KMT2A: variants seen among roughly 807,000 people sequenced by gnomAD.
The protein encoded by KMT2A is histone-lysine N-methyltransferase 2A.
Under a neutral mutation model 345.3 loss-of-function variants are expected in KMT2A, and 16 were observed. The ratio of observed to expected loss-of-function variants is 0.05; its 90% CI spans 0.03 to 0.07. The LOEUF is 0.07. Ranked by LOEUF, KMT2A falls within the 10% of genes least tolerant of loss-of-function variation. The pLI, the probability that KMT2A is intolerant of heterozygous loss-of-function variation, is 1.00. For synonymous variants in KMT2A, 1,599 were observed against 1,778.6 expected, an observed-to-expected ratio of 0.90 and a Z score of 2.54; for missense variants, 3,272 against 4,841.6, an observed-to-expected ratio of 0.68 and a Z score of 9.62.
In KMT2A at chr11:118,504,618, CTGTGGATAGTAG is replaced by C. The variant is rs1555047322; in HGVS notation, c.8730_8741del (p.Asp2911_Val2914del). The stretch of plus-strand genomic sequence containing the variant: ...TCTCAGCAGCTGCCTACAACAGAAC[CTGTGGATAGTAG>C]TGTCTCTTCCTCTATCTCAGCAGAG... On this transcript the variant is annotated inframe_deletion, in exon 27 of 36. Coordinates refer to ENST00000534358, the MANE Select transcript of KMT2A (RefSeq NM_001197104.2). The surrounding 1 kb of genome is among the most constrained non-coding windows in gnomAD (Gnocchi z 6.4). The C allele has an allele frequency of 6.2e-7, 1 of 1,614,124 alleles. No homozygotes were observed. The highest frequency in any genetic ancestry group is 8.5e-7 in the Non-Finnish European group (1 of 1,180,008).
In KMT2A at chr11:118,472,021, G is replaced by A. The variant is rs1180034681; in HGVS notation, c.862G>A (p.Gly288Arg). ...TCCTCTCAAGTCTAAGTTTAAGACA[G>A]GGAAGCTTCAAATAGGAAGGAAGGG... ...LSPLKSKFKT[G>R]KLQIGRKGVQ... Residue 288 changes from glycine (G) to arginine (R), a missense_variant, in exon 3 of 36, where the codon GGG (glycine) becomes AGG (arginine). Physicochemically the swap from Gly to Arg is moderately radical, Grantham distance 125 (BLOSUM62 -2). Around this residue, in one of 27 missense-constraint regions of KMT2A, gnomAD observed 412 missense variants for 511.0 expected, o/e 0.81. Transcript: ENST00000534358. 2 of 1,613,464 alleles carry A rather than the reference G, an allele frequency of 1.2e-6. No individual in the cohort carries two copies. The highest frequency in any genetic ancestry group is 1.7e-5 in the Admixed American group (1 of 59,856).
chr11:118,458,183 A>C (rs782392727), intron 1 of KMT2A: 1 of 379,098 alleles, frequency 2.6e-6, no homozygotes, highest in Non-Finnish European at 5.3e-6. Flanking sequence ...TTCTGGACTT[A>C]AGTGATTCTC....
At chr11:118,514,958 G>A (rs963774538) in intron 31 of KMT2A, among the ~76,000 whole-genome samples, 3 of 151,604 alleles carry the variant, frequency 2.0e-5, no homozygotes, top group African/African-American at 2.4e-5. Context: ...TAGTAGAGAC[G>A]GGGTTTCACC....
intron 1 of KMT2A, among the ~76,000 whole-genome samples, chr11:118,451,174 C>T (rs1361002008): frequency 2.0e-5 from 3 of 150,144 alleles, no homozygotes; most frequent in East Asian, 2.0e-4. Flanking sequence ...CCATTGGAGA[C>T]GTCCCTTCCC....
At chr11:118,513,681 A>G (rs1356757165) in intron 31 of KMT2A, among the ~76,000 whole-genome samples, 1 of 152,138 alleles carries the variant, frequency 6.6e-6, no homozygotes, top group Non-Finnish European at 1.5e-5. Flanking sequence ...ACAGTGGCTC[A>G]CACCTGAATT....
intron 6 of KMT2A, among the ~76,000 whole-genome samples, chr11:118,481,184 A>AT (rs1463272053): frequency 6.6e-6 from 1 of 151,770 alleles, no homozygotes; most frequent in African/African-American, 2.4e-5. Flanking sequence ...ACTAGATCTC[A>AT]TTCACTTCTA....
At position 118,436,704 on chromosome 11, in the gene KMT2A, G is replaced by A. The variant is rs782741215; in HGVS notation, c.192G>A (p.Ala64=). The change falls in exon 1 of 36, where the codon GCG becomes GCA. Residue 64 remains alanine (A), a synonymous_variant. Coordinates refer to ENST00000534358, the MANE Select transcript of KMT2A (RefSeq NM_001197104.2). This position sits in a 1 kb window ranked among gnomAD's most constrained non-coding sequence, Gnocchi z 6.9. ...PPSPPAVAAA[A]AAAGSSGAGV... is the part of the protein sequence containing the mutation. ...CCCCCCCGGCTGTGGCGGCCGCGGC[G>A]GCGGCGGCGGGAAGCAGCGGGGCTG... 24 of 1,346,860 alleles carry A rather than the reference G, an allele frequency of 1.8e-5. No individual in the cohort carries two copies. The South Asian group carries it at 3.3e-4, about 19-fold the overall frequency. The allele number at this position is 1,346,860 out of a possible 1,614,324, so 83.4% of individuals were successfully genotyped here.
In KMT2A at chr11:118,444,600, G is replaced by C. The variant is rs533098181; in HGVS notation, c.432+7656G>C. ...TGTTTTGTTTGGTTTGTTTGAGACAGGATCTTGCTTTGTTGCCTAGGCTAG... is the reference window on the plus strand; with the variant it reads ...TGTTTTGTTTGGTTTGTTTGAGACACGATCTTGCTTTGTTGCCTAGGCTAG... On this transcript the variant is annotated intron_variant, in intron 1 of 35. Transcript: ENST00000534358. Among the ~76,000 whole-genome samples, 5 of 152,268 alleles carry C rather than the reference G, an allele frequency of 3.3e-5. No homozygotes were observed. In the South Asian group the frequency reaches 1.0e-3, roughly 32 times the overall value.
Position 118,507,520 on chromosome 11 carries a change from G to A in KMT2A, c.10755-9G>A. 1 of 1,612,766 alleles carries A rather than the reference G, an allele frequency of 6.2e-7. No homozygotes were observed. Among genetic ancestry groups the A allele is most frequent in the African/African-American group, 1.3e-5 (1 of 75,030 alleles). On this transcript the variant is annotated splice_polypyrimidine_tract_variant and intron_variant, in intron 27 of 35. Coordinates refer to ENST00000534358, the MANE Select transcript of KMT2A (RefSeq NM_001197104.2). Reference sequence around the variant, plus strand: ...TTGTCTTGAAAAGATACAAATGCCTGTGTTCCAGGACTCCAGGAGCAGAGG... The same window carrying A: ...TTGTCTTGAAAAGATACAAATGCCTATGTTCCAGGACTCCAGGAGCAGAGG...
At chr11:118,482,116 AT>A in intron 7 of KMT2A, 24 bp downstream of exon 7, 1 of 1,573,402 alleles carries the variant, frequency 6.4e-7, no homozygotes. Context: ...GCAAGAAGGA[AT>A]TGCTGAACCA....
chr11:118,506,758 C>T (rs1950591724), intron 27 of KMT2A, 112 bp downstream of exon 27: 1 of 1,174,232 alleles, frequency 8.5e-7, no homozygotes. Context: ...GTTGCATTAC[C>T]TGGGAGTTTT....
rs782653706 is a variant in KMT2A, at chr11:118,436,742, G to T, written c.230G>T (p.Gly77Val). The change falls in exon 1 of 36, where the codon GGA becomes GTA. Residue 77 changes from glycine (G) to valine (V), a missense_variant. Physicochemically the swap from Gly to Val is moderately radical, Grantham distance 109 (BLOSUM62 -3). Coordinates refer to ENST00000534358, the MANE Select transcript of KMT2A (RefSeq NM_001197104.2). This position sits in a 1 kb window ranked among gnomAD's most constrained non-coding sequence, Gnocchi z 6.9. Reference protein sequence around the residue: ...AGSSGAGVPGGAAAASAASSS... With the variant: ...AGSSGAGVPGVAAAASAASSS... ...AGCAGCGGGGCTGGGGTTCCAGGGG[G>T]AGCGGCCGCCGCCTCAGCAGCCTCC... 2.5e-6 allele frequency: 4 copies of T among 1,583,924 alleles called. No homozygotes were observed. The highest frequency in any genetic ancestry group is 1.4e-5 in the African/African-American group (1 of 72,866).
rs571250390 is a variant in KMT2A, at chr11:118,500,527, C to G, written c.6159-460C>G. ...GGCAGCTTTTCACACAAACCAGATTCCACTAGCATTCAGCAGATTTGAAGC... is the reference window on the plus strand; with the variant it reads ...GGCAGCTTTTCACACAAACCAGATTGCACTAGCATTCAGCAGATTTGAAGC... On this transcript the variant is annotated intron_variant, in intron 24 of 35. Transcript: ENST00000534358. Among the ~76,000 whole-genome samples the G allele has an allele frequency of 3.9e-5, 6 of 152,294 alleles. No individual in the cohort carries two copies. In the South Asian group the frequency reaches 1.2e-3, roughly 32 times the overall value.
At chr11:118,474,417 C>A in intron 3 of KMT2A, 102 bp downstream of exon 3, 2 of 1,399,884 alleles carry the variant, frequency 1.4e-6, no homozygotes, top group African/African-American at 1.4e-5. Flanking sequence ...TTATGAGAAC[C>A]AAGAAAAGTA....
Position 118,436,583 on chromosome 11 carries a change from G to A in KMT2A, c.71G>A (p.Arg24His), listed in dbSNP as rs2134152357. 1 of 1,179,578 alleles carries A rather than the reference G, an allele frequency of 8.5e-7. No homozygotes were observed. Among genetic ancestry groups the A allele is most frequent in the Non-Finnish European group, 1.1e-6 (1 of 945,172 alleles). 73.1% of individuals were successfully genotyped at this position (1,179,578 alleles called of 1,614,324 possible). A position where few individuals can be genotyped will look rare whatever the true frequency, so the allele number is the denominator to read the frequency against. The change falls in exon 1 of 36, where the codon CGC becomes CAC. Residue 24 changes from arginine (R) to histidine (H), a missense_variant. By Grantham distance (29) the Arg-to-His change is conservative. Coordinates refer to ENST00000534358, the MANE Select transcript of KMT2A (RefSeq NM_001197104.2). The surrounding 1 kb of genome is among the most constrained non-coding windows in gnomAD (Gnocchi z 6.9). ...ACCGGGGGCGGCGGCGGCGGGGGGC[G>A]CCGGGGCCTAGGGGGCGCCCCGCGG... Reference protein sequence around the residue: ...GTTGGGGGGGRRGLGGAPRQR... With the variant: ...GTTGGGGGGGHRGLGGAPRQR...
intron 31 of KMT2A, among the ~76,000 whole-genome samples, chr11:118,518,120 C>G (rs1422910703): frequency 1.3e-5 from 2 of 152,142 alleles, no homozygotes; most frequent in East Asian, 1.9e-4. Context: ...AAATTAACAC[C>G]ATTACTGTTT....
intron 1 of KMT2A, chr11:118,450,610 T>C (rs1335785508): frequency 6.6e-6 from 1 of 152,228 alleles, no homozygotes; most frequent in African/African-American, 2.4e-5. Flanking sequence ...CAGAGAATTA[T>C]TGTCTTAGCG....
chr11:118,492,170 TAGGGAGCC>T (rs575572847), intron 15 of KMT2A, among the ~76,000 whole-genome samples: 66 of 152,302 alleles, frequency 4.3e-4, no homozygotes, highest in African/African-American at 1.6e-3. Flanking sequence ...CTGAAGGTGA[TAGGGAGCC>T]AGTGAAGCAC....
Position 118,474,330 on chromosome 11 carries a change from C to A in KMT2A, c.3156+15C>A, listed in dbSNP as rs548373987. On this transcript the variant is annotated intron_variant, in intron 3 of 35. Transcript: ENST00000534358. ...CCAAAGCACAGGTACTCTTTTCCAC[C>A]TTGCCTATTAAAACTAACAGTTTAT... The A allele has an allele frequency of 2.1e-5, 33 of 1,606,910 alleles. No homozygotes were observed. The South Asian group carries it at 2.4e-4, about 12-fold the overall frequency.
Sources: gnomAD v4.1 joint callset for allele counts (sites outside exome capture counted in the v4.1 genomes callset) on GRCh38, gnomAD v4.1.1 for gene constraint, gnomAD v4.1.1 regional missense constraint, Gnocchi (gnomAD v3.1) non-coding constraint, MANE v1.5 for transcripts, NCBI Gene and HGNC (gene_info 2026-07-23, HGNC 2026-07-21) for gene names.